The following NMNAT1 variants were observed in gnomAD, a reference collection of about 807,000 sequenced individuals.
NMNAT1 encodes nicotinamide nucleotide adenylyltransferase 1, also known as nicotinamide/nicotinic acid mononucleotide adenylyltransferase 1.
Under a neutral mutation model 16.7 loss-of-function variants are expected in NMNAT1, and 11 were observed. The ratio of observed to expected loss-of-function variants is 0.66; its 90% confidence interval spans 0.41 to 1.09. The LOEUF (loss-of-function observed/expected upper bound fraction) is 1.09. Among genes scored for constraint, NMNAT1 ranks in the 50% least tolerant of loss-of-function variants. NMNAT1 has a pLI of 0.00. For missense variants in NMNAT1, 280 were observed against 332.3 expected (o/e 0.84, Z 1.22); for synonymous variants, 110 against 119.8 (o/e 0.92, Z 0.53).
In NMNAT1 at chr1:9,955,369, A is replaced by G. The variant is rs149432423; in HGVS notation, c.-57+11854A>G. ...CAGTGAGCTGGGATCGCGCCATTGC[A>G]CTCCAGCCTGGGGACAAGAGCGAGA... On this transcript the variant is annotated intron_variant, in intron 1 of 4. Coordinates refer to ENST00000377205, the MANE Select transcript of NMNAT1 (RefSeq NM_022787.4). 9.5e-3 allele frequency among the ~76,000 whole-genome samples: 1,273 copies of G among 133,616 alleles called. 103 individuals are homozygous for G. In the East Asian group the frequency reaches 0.2, roughly 21 times the overall value. 87.7% of individuals were successfully genotyped at this position (133,616 alleles called of 152,430 possible). A position where few individuals can be genotyped will look rare whatever the true frequency, so the allele number is the denominator to read the frequency against.
At chr1:9,993,180 T>G in the NMNAT1 span, among the ~76,000 whole-genome samples, 1 of 151,604 alleles carries the variant, frequency 6.6e-6, no homozygotes, top group African/African-American at 2.4e-5. Context: ...AAATTTCCTT[T>G]TAAGAAAAAC....
At chr1:9,968,966 A>G (rs1162720634) in intron 1 of NMNAT1, among the ~76,000 whole-genome samples, 1 of 151,734 alleles carries the variant, frequency 6.6e-6, no homozygotes, top group Admixed American at 6.6e-5. Context: ...AGCCAAAGAA[A>G]AAACCTGGCA....
At chr1:9,966,360 C>G (rs959725177) in intron 1 of NMNAT1, among the ~76,000 whole-genome samples, 3 of 151,994 alleles carry the variant, frequency 2.0e-5, no homozygotes, top group African/African-American at 7.2e-5. Context: ...CGCCTGTAAT[C>G]CCAACGCTGT....
Position 9,975,682 on chromosome 1 carries a change from T to C in NMNAT1, c.206T>C (p.Met69Thr), listed in dbSNP as rs1238255494. 2 of 1,614,068 alleles carry C rather than the reference T, an allele frequency of 1.2e-6. No individual in the cohort carries two copies. Among genetic ancestry groups the C allele is most frequent in the South Asian group, 1.1e-5 (1 of 91,078 alleles). Residue 69 changes from methionine to threonine, a missense_variant, in exon 3 of 5, where the codon ATG (methionine) becomes ACG (threonine). Transcript: ENST00000377205. Reference sequence around the variant, plus strand: ...ATTCCTGCCTATCACCGGGTCATCATGGCAGAACTTGCTACCAAGAATTCT... The same window carrying C: ...ATTCCTGCCTATCACCGGGTCATCACGGCAGAACTTGCTACCAAGAATTCT... ...GLIPAYHRVI[M>T]AELATKNSKW...
chr1:9,954,476 T>TG (rs1452590102), intron 1 of NMNAT1, among the ~76,000 whole-genome samples: 2 of 152,146 alleles, frequency 1.3e-5, no homozygotes, highest in Non-Finnish European at 2.9e-5. Context: ...CTCAAAGTGT[T>TG]GGGGTTACAG....
At chr1:9,982,259 G>A in intron 4 of NMNAT1, 42 bp from the exon 5 acceptor site, 1 of 1,554,350 alleles carries the variant, frequency 6.4e-7, no homozygotes, top group Non-Finnish European at 8.7e-7. Context: ...AGGTAGAGGG[G>A]AAGAAAAAGC....
chr1:9,991,992 G>A, the NMNAT1 span, among the ~76,000 whole-genome samples: 2 of 152,060 alleles, frequency 1.3e-5, no homozygotes, highest in African/African-American at 4.8e-5. Context: ...TTAAACCTGG[G>A]AGGCAGAGGT....
chr1:9,960,533 C>T (rs547361261), intron 1 of NMNAT1, among the ~76,000 whole-genome samples: 4 of 152,074 alleles, frequency 2.6e-5, no homozygotes, highest in Non-Finnish European at 5.9e-5. Flanking sequence ...TCAGTAACTA[C>T]CCAGGCCAAA....
chr1:9,948,608 G>A (rs1641032393), intron 1 of NMNAT1, among the ~76,000 whole-genome samples: 1 of 151,880 alleles, frequency 6.6e-6, no homozygotes, highest in East Asian at 1.9e-4. Context: ...AATGACATTG[G>A]GACCATTTGT....
intron 3 of NMNAT1, among the ~76,000 whole-genome samples, chr1:9,976,143 C>G (rs771061987): frequency 6.6e-6 from 1 of 151,928 alleles, no homozygotes; most frequent in African/African-American, 2.4e-5. Context: ...AAAAATTAGC[C>G]GGGCATGGTG....
chr1:9,979,563 G>A (rs1339885205), intron 3 of NMNAT1, among the ~76,000 whole-genome samples: 1 of 152,128 alleles, frequency 6.6e-6, no homozygotes, highest in African/African-American at 2.4e-5. Flanking sequence ...CACTTTGGGA[G>A]GCCTAGGCGG....
rs1453787495 is a variant in NMNAT1, at chr1:9,984,828, G to C, written c.*2127G>C. 2 of 152,186 alleles carry C rather than the reference G, an allele frequency of 1.3e-5. No homozygotes were observed. Among genetic ancestry groups the C allele is most frequent in the African/African-American group, 2.4e-5 (1 of 41,444 alleles). The allele number at this position is 152,186 out of a possible 1,614,324, so 9.4% of individuals were successfully genotyped here. On this transcript the variant is annotated 3_prime_UTR_variant, in exon 5 of 5. Transcript: ENST00000377205. The stretch of plus-strand genomic sequence containing the variant: ...TAGTGTTTGCTTATGTGAACAGCAG[G>C]CCTTTCAGATAAGAGAAGTGGCTTT...
At chr1:9,945,193 C>T (rs1009133165) in intron 1 of NMNAT1, among the ~76,000 whole-genome samples, 2 of 151,990 alleles carry the variant, frequency 1.3e-5, no homozygotes, top group Non-Finnish European at 2.9e-5. Context: ...AAGATCACGA[C>T]GCTGCACTGC....
chr1:9,967,263 A>T (rs1641568529), intron 1 of NMNAT1: 1 of 153,210 alleles, frequency 6.5e-6, no homozygotes, highest in African/African-American at 2.4e-5. Context: ...GAAATTATTG[A>T]GTTGAAAAGA....
intron 3 of NMNAT1, among the ~76,000 whole-genome samples, chr1:9,977,554 T>C (rs1641841651): frequency 6.6e-6 from 1 of 152,102 alleles, no homozygotes; most frequent in Non-Finnish European, 1.5e-5. Context: ...GAGATTTAAG[T>C]ACTTAGGCAA....
chr1:9,961,817 G>A (rs886672797), intron 1 of NMNAT1, among the ~76,000 whole-genome samples: 21 of 152,096 alleles, frequency 1.4e-4, no homozygotes, highest in African/African-American at 5.1e-4. Flanking sequence ...TGTTGCCCAG[G>A]TTGGAGTGCA....
intron 3 of NMNAT1, among the ~76,000 whole-genome samples, chr1:9,978,305 G>A (rs1383217259): frequency 2.0e-5 from 3 of 152,118 alleles, no homozygotes; most frequent in African/African-American, 7.2e-5. Flanking sequence ...GCAGTGAGCC[G>A]AGATTGCGCC....
At chr1:9,971,162 A>G (rs551498551) in intron 1 of NMNAT1, among the ~76,000 whole-genome samples, 1 of 152,294 alleles carries the variant, frequency 6.6e-6, no homozygotes, top group Non-Finnish European at 1.5e-5. Context: ...CATCCTCCAC[A>G]CTAACACTTG....
intron 1 of NMNAT1, among the ~76,000 whole-genome samples, chr1:9,958,006 A>C (rs1251152674): frequency 2.0e-5 from 3 of 152,162 alleles, no homozygotes; most frequent in African/African-American, 7.2e-5. Context: ...CTCCTATTTA[A>C]TGGCTTTCTA....
Sources: gnomAD v4.1 joint callset for allele counts (sites outside exome capture counted in the v4.1 genomes callset) on GRCh38, gnomAD v4.1.1 for gene constraint, MANE v1.5 for transcripts, NCBI Gene and HGNC (gene_info 2026-07-23, HGNC 2026-07-21) for gene names.